Variants in CELSR3 observed in about 807,000 individuals in gnomAD.
CELSR3 encodes the protein cadherin EGF LAG seven-pass G-type receptor 3, also known as EGF-like protein 1.
Under a neutral mutation model 270.0 loss-of-function variants are expected in CELSR3, and 73 were observed. The ratio of observed to expected loss-of-function variants is 0.27; its 90% CI spans 0.22 to 0.33. The LOEUF is 0.33. CELSR3 is among the 10% of genes least tolerant of loss of function. CELSR3 has a pLI of 1.00. For missense variants in CELSR3, 3,614 were observed against 4,533.8 expected, an observed-to-expected ratio of 0.80 and a Z score of 5.83; for synonymous variants, 1,780 against 1,905.4, an observed-to-expected ratio of 0.93 and a Z score of 1.71.
chr3:48,644,693 G>A lies in CELSR3; in HGVS notation c.8085+23C>T. On this transcript the variant is annotated intron_variant, in intron 26 of 34. Coordinates refer to ENST00000164024, the MANE Select transcript of CELSR3 (RefSeq NM_001407.3). This position sits in a 1 kb window ranked among gnomAD's most constrained non-coding sequence, Gnocchi z 4.8. ...CAATGAGGGAGGGAAGTACAGAGGG[G>A]GCACCAAGTCCAGGGCACTCACCAC... 1 of 1,577,380 alleles carries A rather than the reference G, an allele frequency of 6.3e-7. No individual in the cohort carries two copies. Among genetic ancestry groups the A allele is most frequent in the Non-Finnish European group, 8.7e-7 (1 of 1,147,636 alleles).
At chr3:48,643,771 G>A (rs1016031405) in intron 27 of CELSR3, 94 bp from the exon 28 acceptor site, 14 of 1,424,736 alleles carry the variant, frequency 9.8e-6, no homozygotes, top group East Asian at 2.5e-5. Flanking sequence ...GGCCACACAC[G>A]AAACGTGAAA....
chr3:48,646,773 G>A lies in CELSR3; in HGVS notation c.7285C>T (p.Arg2429Ter). The change falls in exon 21 of 35, where the codon CGA (arginine) becomes TGA (stop). Residue 2429 changes from arginine (R) to a stop codon, truncating the protein, a stop_gained. Coordinates refer to ENST00000164024, the MANE Select transcript of CELSR3 (RefSeq NM_001407.3). LOFTEE classifies it high-confidence loss of function. The surrounding 1 kb of genome is among the most constrained non-coding windows in gnomAD (Gnocchi z 4.8). The part of the protein sequence containing the change: ...LLPAQFQAER[R>*]GARLPQNPVM... ...GAGGGGCCTGAGTACCTGGCACCTCGGCGTTCTGCCTGGAACTGGGCAGGG... is the reference window on the plus strand; with the variant it reads ...GAGGGGCCTGAGTACCTGGCACCTCAGCGTTCTGCCTGGAACTGGGCAGGG... 3 of 1,609,032 alleles carry A rather than the reference G, an allele frequency of 1.9e-6. No individual in the cohort carries two copies. Among genetic ancestry groups the A allele is most frequent in the Non-Finnish European group, 2.5e-6 (3 of 1,178,432 alleles).
Position 48,652,480 on chromosome 3 carries a change from C to T in CELSR3, c.5708G>A (p.Gly1903Asp). 2 of 1,613,784 alleles carry T rather than the reference C, an allele frequency of 1.2e-6. No individual in the cohort carries two copies. Among genetic ancestry groups the T allele is most frequent in the Non-Finnish European group, 1.7e-6 (2 of 1,179,964 alleles). The change falls in exon 11 of 35, where the codon GGC becomes GAC. Residue 1903 changes from glycine to aspartate, a missense_variant. This residue lies in a region of CELSR3 where 1,331 missense variants were observed against 1,933.7 expected (regional missense o/e 0.69). Coordinates refer to ENST00000164024, the MANE Select transcript of CELSR3 (RefSeq NM_001407.3). The surrounding 1 kb of genome is among the most constrained non-coding windows in gnomAD (Gnocchi z 4.3). ...ACCCTGAGGAGCCTCCTCTGCACTG[C>T]CGGGGGGCAGGCCTCCCACGTGGAG... ...KQLHVGGLPPGSAEEAPQGLV... is the reference protein window; with the variant it reads ...KQLHVGGLPPDSAEEAPQGLV...
chr3:48,660,199 C>T lies in CELSR3; in HGVS notation c.2436G>A (p.Leu812=). The T allele has an allele frequency of 1.2e-6, 2 of 1,614,078 alleles. No homozygotes were observed. Among genetic ancestry groups the T allele is most frequent in the Non-Finnish European group, 1.7e-6 (2 of 1,180,012 alleles). ...FAISTQGGVG[L]VTLALPLDYK... is the part of the protein sequence containing the mutation. ...AGTCCAGTGGCAGAGCCAGAGTCAC[C>T]AGACCCACACCCCCCTGGGTGCTGA... The change falls in exon 1 of 35, where the codon CTG becomes CTA. Residue 812 remains leucine (L), a synonymous_variant. Transcript: ENST00000164024. This position sits in a 1 kb window ranked among gnomAD's most constrained non-coding sequence, Gnocchi z 5.5.
rs1048519489 is a variant in CELSR3, at chr3:48,654,859, G to C, written c.4988+185C>G. Among the ~76,000 whole-genome samples the C allele has an allele frequency of 6.6e-6, 1 of 151,832 alleles. No homozygotes were observed. Among genetic ancestry groups the C allele is most frequent in the African/African-American group, 2.4e-5 (1 of 41,264 alleles). Reference sequence around the variant, plus strand: ...CTGTGTGTGGGAGGAGGGAGTATGGGGTGGAATACAGGATTGGGGGCTAGG... The same window carrying C: ...CTGTGTGTGGGAGGAGGGAGTATGGCGTGGAATACAGGATTGGGGGCTAGG... On this transcript the variant is annotated intron_variant, in intron 6 of 34. Coordinates refer to ENST00000164024, the MANE Select transcript of CELSR3 (RefSeq NM_001407.3). This position sits in a 1 kb window ranked among gnomAD's most constrained non-coding sequence, Gnocchi z 5.4.
Position 48,645,230 on chromosome 3 carries a change from C to G in CELSR3, c.7798-21G>C, listed in dbSNP as rs761177495. On this transcript the variant is annotated intron_variant, in intron 24 of 34. Transcript: ENST00000164024. The surrounding 1 kb of genome is among the most constrained non-coding windows in gnomAD (Gnocchi z 5.4). Reference sequence around the variant, plus strand: ...ACCAGCTGAGGGCAGGGGGGCGTGTCAGGACCTCTCCTGCCTCACCCACCT... The same window carrying G: ...ACCAGCTGAGGGCAGGGGGGCGTGTGAGGACCTCTCCTGCCTCACCCACCT... The G allele has an allele frequency of 5.8e-6, 9 of 1,558,164 alleles. No individual in the cohort carries two copies. In the South Asian group the frequency reaches 1.1e-4, roughly 19 times the overall value.
Position 48,656,293 on chromosome 3 carries a change from G to C in CELSR3, c.4472C>G (p.Thr1491Ser). The C allele has an allele frequency of 6.6e-7, 1 of 1,520,566 alleles. No homozygotes were observed. Among genetic ancestry groups the C allele is most frequent in the Non-Finnish European group, 8.8e-7 (1 of 1,141,228 alleles). 94.2% of individuals were successfully genotyped at this position (1,520,566 alleles called of 1,614,324 possible). A position where few individuals can be genotyped will look rare whatever the true frequency, so the allele number is the denominator to read the frequency against. The part of the protein sequence containing the change: ...PGVCRNGGTC[T>S]DAPNGGFRCQ... ...GCGAAAGCCGCCGTTGGGCGCGTCG[G>C]TGCAGGTGCCCCCGTTGCGGCAGAC... Residue 1491 changes from threonine to serine, a missense_variant, in exon 3 of 35, where the codon ACC becomes AGC. Physicochemically the swap from Thr to Ser is moderately conservative, Grantham distance 58 (BLOSUM62 1). Around this residue, in one of 7 missense-constraint regions of CELSR3, gnomAD observed 1,331 missense variants for 1,933.7 expected, o/e 0.69. Transcript: ENST00000164024.
chr3:48,654,291 G>T lies in CELSR3; in HGVS notation c.5150C>A (p.Ala1717Glu). ...AAFVANNGTM[A>E]GCQAKLHFCD... is the part of the protein sequence containing the mutation. The stretch of plus-strand genomic sequence containing the variant: ...GCTGGTGGAAGCTTCAGGCCTACCT[G>T]CCATGGTGCCATTATTTGCGACAAA... The change falls in exon 7 of 35, where the codon GCA (alanine) becomes GAA (glutamate). Residue 1717 changes from alanine to glutamate, a missense_variant and splice_region_variant. This residue lies in a region of CELSR3 where 1,331 missense variants were observed against 1,933.7 expected (regional missense o/e 0.69). Coordinates refer to ENST00000164024, the MANE Select transcript of CELSR3 (RefSeq NM_001407.3). The surrounding 1 kb of genome is among the most constrained non-coding windows in gnomAD (Gnocchi z 5.4). 6.2e-7 allele frequency: 1 copy of T among 1,613,694 alleles called. No individual in the cohort carries two copies. Among genetic ancestry groups the T allele is most frequent in the Non-Finnish European group, 8.5e-7 (1 of 1,180,030 alleles).
chr3:48,657,800 ACATCCC>A lies in CELSR3; in HGVS notation c.3749-458_3749-453del, dbSNP rs1204105060. 1.6e-4 allele frequency among the ~76,000 whole-genome samples: 25 copies of A among 152,126 alleles called. No homozygotes were observed. The highest frequency in any genetic ancestry group is 3.1e-4 in the Non-Finnish European group (21 of 67,986). The stretch of plus-strand genomic sequence containing the variant: ...CCTCCAGCATAGCAGAACCAGCAAA[ACATCCC>A]CCTCCAGAAAAGAAGGGTTCCAGAT... On this transcript the variant is annotated intron_variant, in intron 1 of 34. Transcript: ENST00000164024. The surrounding 1 kb of genome is among the most constrained non-coding windows in gnomAD (Gnocchi z 5.4).
At position 48,647,883 on chromosome 3, in the gene CELSR3, C is replaced by T; in HGVS notation, c.7087G>A (p.Val2363Met). 5 of 1,611,644 alleles carry T rather than the reference C, an allele frequency of 3.1e-6. No homozygotes were observed. The highest frequency in any genetic ancestry group is 4.2e-6 in the Non-Finnish European group (5 of 1,179,644). ...GQDAWDPHTH[V>M]LLPSQSPRPS... is the part of the protein sequence containing the mutation. ...CGTGGGGACTGGGAAGGCAGCAGCA[C>T]ATGGGTGTGAGGATCCCAGGCATCC... The change falls in exon 20 of 35, where the codon GTG becomes ATG. Residue 2363 changes from valine (V) to methionine (M), a missense_variant. This residue lies in a region of CELSR3 where 1,240 missense variants were observed against 1,351.7 expected (regional missense o/e 0.92). Coordinates refer to ENST00000164024, the MANE Select transcript of CELSR3 (RefSeq NM_001407.3).
In CELSR3 at chr3:48,651,488, G is replaced by A; in HGVS notation, c.6066-9C>T. 2 of 1,613,432 alleles carry A rather than the reference G, an allele frequency of 1.2e-6. No individual in the cohort carries two copies. Among genetic ancestry groups the A allele is most frequent in the Non-Finnish European group, 1.7e-6 (2 of 1,179,734 alleles). On this transcript the variant is annotated splice_polypyrimidine_tract_variant and intron_variant, in intron 13 of 34. Coordinates refer to ENST00000164024, the MANE Select transcript of CELSR3 (RefSeq NM_001407.3). The surrounding 1 kb of genome is among the most constrained non-coding windows in gnomAD (Gnocchi z 7.4). ...GGCACTGCTGGTCCATCCTGGGGGT[G>A]CAGAGCCAGGTAAGATGCCTCCACG...
Position 48,658,783 on chromosome 3 carries a change from T to C in CELSR3, c.3748+104A>G. The C allele has an allele frequency of 7.0e-7, 1 of 1,423,312 alleles. No individual in the cohort carries two copies. Among genetic ancestry groups the C allele is most frequent in the Non-Finnish European group, 9.6e-7 (1 of 1,040,904 alleles). The allele number at this position is 1,423,312 out of a possible 1,614,324, so 88.2% of individuals were successfully genotyped here. A position where few individuals can be genotyped will look rare whatever the true frequency, so the allele number is the denominator to read the frequency against. On this transcript the variant is annotated intron_variant, in intron 1 of 34. Transcript: ENST00000164024. The surrounding 1 kb of genome is among the most constrained non-coding windows in gnomAD (Gnocchi z 4.7). Reference sequence around the variant, plus strand: ...CAGGAACCCTACCCTTAAGGGGTTCTTGGAAGGCTTAGAAATCCCTCTTTG... The same window carrying C: ...CAGGAACCCTACCCTTAAGGGGTTCCTGGAAGGCTTAGAAATCCCTCTTTG...
intron 28 of CELSR3, 100 bp from the exon 29 acceptor site, chr3:48,643,183 T>G: frequency 1.3e-6 from 1 of 799,624 alleles, no homozygotes; most frequent in Admixed American, 2.1e-5. Context: ...TGTAGGCTAG[T>G]GTGGGTCAGT....
rs903392089 is a variant in CELSR3 at position 48,644,578 on chromosome 3, C to A, written c.8085+138G>T. 2.5e-5 allele frequency: 18 copies of A among 718,112 alleles called. No homozygotes were observed. Among genetic ancestry groups the A allele is most frequent in the Admixed American group, 9.8e-5 (4 of 40,630 alleles). 44.5% of individuals were successfully genotyped at this position (718,112 alleles called of 1,614,324 possible). A position where few individuals can be genotyped will look rare whatever the true frequency, so the allele number is the denominator to read the frequency against. ...CCAGTTGAATGGGGGTGGCTACTGA[C>A]CAGAGGACAGAAAAAATGAAGGCCG... On this transcript the variant is annotated intron_variant, in intron 26 of 34. Transcript: ENST00000164024. This position sits in a 1 kb window ranked among gnomAD's most constrained non-coding sequence, Gnocchi z 4.8.
chr3:48,659,708 G>A lies in CELSR3; in HGVS notation c.2927C>T (p.Pro976Leu), dbSNP rs1430649824. The A allele has an allele frequency of 1.2e-6, 2 of 1,614,224 alleles. No homozygotes were observed. The highest frequency in any genetic ancestry group is 1.7e-6 in the Non-Finnish European group (2 of 1,180,044). The change falls in exon 1 of 35, where the codon CCT becomes CTT. Residue 976 changes from proline to leucine, a missense_variant. Transcript: ENST00000164024. The surrounding 1 kb of genome is among the most constrained non-coding windows in gnomAD (Gnocchi z 8.1). ...YTGLVSEDAP[P>L]FTSVLQISAT... ...TGAGATCTGCAGGACACTGGTGAAAGGTGGGGCATCCTCAGAGACCAGCCC... is the reference window on the plus strand; with the variant it reads ...TGAGATCTGCAGGACACTGGTGAAAAGTGGGGCATCCTCAGAGACCAGCCC...
In CELSR3 at chr3:48,644,950, G is replaced by C; in HGVS notation, c.7972+85C>G. The stretch of plus-strand genomic sequence containing the variant: ...CCCATGAATAGATGGCTTGGGGTTT[G>C]AGGTTGGGGGTCATGAGCAGGAGTG... On this transcript the variant is annotated intron_variant, in intron 25 of 34. Transcript: ENST00000164024. This position sits in a 1 kb window ranked among gnomAD's most constrained non-coding sequence, Gnocchi z 4.8. 1 of 1,532,514 alleles carries C rather than the reference G, an allele frequency of 6.5e-7. No individual in the cohort carries two copies. Among genetic ancestry groups the C allele is most frequent in the South Asian group, 1.2e-5 (1 of 82,948 alleles). The allele number at this position is 1,532,514 out of a possible 1,614,324, so 94.9% of individuals were successfully genotyped here.
Position 48,654,401 on chromosome 3 carries a change from G to T in CELSR3, c.5040C>A (p.Pro1680=). ...CCTTATGGGATACGGGGAAGTTCTC[G>T]GGGAGGTTGGGGACACCTCCCAGAA... is the stretch of plus-strand genomic sequence containing the variant. ...PLLLGGVPNL[P]ENFPVSHKDF... Residue 1680 remains proline (P), a synonymous_variant, in exon 7 of 35, where the codon CCC becomes CCA. Coordinates refer to ENST00000164024, the MANE Select transcript of CELSR3 (RefSeq NM_001407.3). This position sits in a 1 kb window ranked among gnomAD's most constrained non-coding sequence, Gnocchi z 5.4. 5 of 1,608,168 alleles carry T rather than the reference G, an allele frequency of 3.1e-6. No homozygotes were observed. The highest frequency in any genetic ancestry group is 4.3e-6 in the Non-Finnish European group (5 of 1,175,330).
chr3:48,654,195 G>A lies in CELSR3; in HGVS notation c.5152+94C>T. ...CTGTAGCATGGTGCTTGCCACCAAA[G>A]GAGACTGGCTTGAAGTCAGGTATGG... On this transcript the variant is annotated intron_variant, in intron 7 of 34. Transcript: ENST00000164024. This position sits in a 1 kb window ranked among gnomAD's most constrained non-coding sequence, Gnocchi z 5.4. 1 of 1,552,436 alleles carries A rather than the reference G, an allele frequency of 6.4e-7. No individual in the cohort carries two copies. Among genetic ancestry groups the A allele is most frequent in the Non-Finnish European group, 8.8e-7 (1 of 1,140,060 alleles).
Position 48,637,965 on chromosome 3 carries a change from T to A in CELSR3, c.*240A>T. ...AGCTGAAAAATAACATAAGCATCTC[T>A]CTGGTTACAAAGGTACAAAACGTAT... On this transcript the variant is annotated 3_prime_UTR_variant, in exon 35 of 35. Transcript: ENST00000164024. 1 of 440,698 alleles carries A rather than the reference T, an allele frequency of 2.3e-6. No individual in the cohort carries two copies. The highest frequency in any genetic ancestry group is 4.1e-6 in the Non-Finnish European group (1 of 243,540). The allele number at this position is 440,698 out of a possible 1,614,324, so 27.3% of individuals were successfully genotyped here.
Sources: gnomAD v4.1 joint callset for allele counts (sites outside exome capture counted in the v4.1 genomes callset) on GRCh38, gnomAD v4.1.1 for gene constraint, gnomAD v4.1.1 regional missense constraint, Gnocchi (gnomAD v3.1) non-coding constraint, MANE v1.5 for transcripts, NCBI Gene and HGNC (gene_info 2026-07-23, HGNC 2026-07-21) for gene names.